SSBP3: variants seen among roughly 807,000 people sequenced by gnomAD.
The protein encoded by SSBP3 is single-stranded DNA-binding protein 3.
SSBP3 carries 5 observed loss-of-function variants against 69.6 expected under a neutral mutation model. The observed-to-expected ratio is 0.07, with a 90% CI of 0.04 to 0.15. The LOEUF (loss-of-function observed/expected upper bound fraction) is 0.15. Among genes scored for constraint, SSBP3 ranks in the 10% least tolerant of loss-of-function variants. The pLI, the probability that SSBP3 is intolerant of heterozygous loss-of-function variation, is 1.00. For missense variants in SSBP3, 312 were observed against 534.0 expected (o/e 0.58, Z 4.10); for synonymous variants, 196 against 193.4 (o/e 1.01, Z -0.11).
intron 14 of SSBP3, chr1:54,238,149 C>T (rs1248974121): frequency 2.1e-6 from 1 of 471,030 alleles, no homozygotes; most frequent in South Asian, 1.5e-5. Context: ...CAGAAACCAT[C>T]CCTCAGAGGG....
chr1:54,238,062 T>C, intron 14 of SSBP3: 1 of 443,850 alleles, frequency 2.3e-6, no homozygotes, highest in Non-Finnish European at 4.8e-6. Flanking sequence ...CTGGGATTCC[T>C]CAGGATGTGG....
rs1037506254 is a variant in SSBP3, at chr1:54,258,954, G to A, written c.367-805C>T. Among the ~76,000 whole-genome samples the A allele has an allele frequency of 2.0e-5, 3 of 152,350 alleles. 1 individual carries two copies. The highest frequency in any genetic ancestry group is 7.2e-5 in the African/African-American group (3 of 41,578). On this transcript the variant is annotated intron_variant, in intron 5 of 17. Transcript: ENST00000610401. The surrounding 1 kb of genome is among the most constrained non-coding windows in gnomAD (Gnocchi z 4.5). ...ATGGCCATAAAACTGGTCAGTGGCA[G>A]AGCTGGGATGAGAAGCCCCATGGGT...
intron 4 of SSBP3, among the ~76,000 whole-genome samples, chr1:54,330,947 TGAA>T (rs1286509101): frequency 6.6e-6 from 1 of 152,130 alleles, no homozygotes; most frequent in Non-Finnish European, 1.5e-5. Context: ...CTGGAAGTAA[TGAA>T]GAAATGGCTA....
intron 4 of SSBP3, among the ~76,000 whole-genome samples, chr1:54,334,098 A>C (rs1249151251): frequency 6.6e-6 from 1 of 151,980 alleles, no homozygotes; most frequent in East Asian, 1.9e-4. Flanking sequence ...TTATGCCCAT[A>C]ATCCCAGCAC....
At chr1:54,348,956 C>T (rs947808982) in intron 4 of SSBP3, among the ~76,000 whole-genome samples, 6 of 152,186 alleles carry the variant, frequency 3.9e-5, no homozygotes, top group African/African-American at 1.2e-4. Context: ...AGAGCCAGAA[C>T]CAGGCTAAAA....
intron 4 of SSBP3, among the ~76,000 whole-genome samples, chr1:54,310,284 G>A (rs780119693): frequency 4.6e-5 from 7 of 152,110 alleles, no homozygotes; most frequent in Non-Finnish European, 8.8e-5. Flanking sequence ...TCTCCCCAGG[G>A]GCCGCAGGCT....
chr1:54,246,865 G>A (rs1333359827), intron 9 of SSBP3, among the ~76,000 whole-genome samples: 1 of 152,266 alleles, frequency 6.6e-6, no homozygotes, highest in Non-Finnish European at 1.5e-5. Flanking sequence ...ATGCCCAGAA[G>A]TTCAGACTCA....
chr1:54,402,134 G>A (rs946364206), intron 3 of SSBP3, among the ~76,000 whole-genome samples, 189 bp from the exon 4 acceptor site: 8 of 152,250 alleles, frequency 5.3e-5, no homozygotes, highest in African/African-American at 1.9e-4. Context: ...CCAGCCATTA[G>A]TAATGGCAGT....
chr1:54,261,644 CA>C (rs965404472), intron 5 of SSBP3, among the ~76,000 whole-genome samples: 2 of 152,154 alleles, frequency 1.3e-5, no homozygotes, highest in African/African-American at 4.8e-5. Flanking sequence ...TTGAGGAACC[CA>C]AAATGGGTGC....
At chr1:54,385,254 G>A (rs1392875174) in intron 4 of SSBP3, among the ~76,000 whole-genome samples, 2 of 152,152 alleles carry the variant, frequency 1.3e-5, no homozygotes, top group Admixed American at 1.3e-4. Flanking sequence ...TCAAGGACAT[G>A]GCTTGTGCTG....
At chr1:54,235,187 G>A (rs1214192831) in intron 14 of SSBP3, among the ~76,000 whole-genome samples, 1 of 151,998 alleles carries the variant, frequency 6.6e-6, no homozygotes, top group Non-Finnish European at 1.5e-5. Flanking sequence ...TTTGTCCAGG[G>A]GCTGGCTTTG....
At chr1:54,226,331 C>T in exon 18 of SSBP3, 1 of 153,120 alleles carries the variant, frequency 6.5e-6, no homozygotes, top group Non-Finnish European at 1.5e-5. Context: ...GTGGTCCGGC[C>T]CCTCTGGCCA....
chr1:54,318,092 T>C (rs910096664), intron 4 of SSBP3, among the ~76,000 whole-genome samples: 1 of 152,218 alleles, frequency 6.6e-6, no homozygotes, highest in Admixed American at 6.5e-5. Flanking sequence ...CTATGCCATC[T>C]ACCTCATCTC....
At chr1:54,239,797 C>G (rs149357104) in intron 13 of SSBP3, among the ~76,000 whole-genome samples, 2,927 of 152,296 alleles carry the variant, frequency 0.019, 47 homozygotes, top group Non-Finnish European at 0.024. Flanking sequence ...AGCTCCACCC[C>G]TGCAGCTGAG....
chr1:54,252,679 C>T (rs1644850933), intron 7 of SSBP3, among the ~76,000 whole-genome samples: 1 of 152,206 alleles, frequency 6.6e-6, no homozygotes, highest in Non-Finnish European at 1.5e-5. Context: ...TGAACACTTG[C>T]CCCACCCGCT....
At chr1:54,263,468 C>T (rs1371427257) in intron 5 of SSBP3, among the ~76,000 whole-genome samples, 1 of 152,200 alleles carries the variant, frequency 6.6e-6, no homozygotes, top group Non-Finnish European at 1.5e-5. Flanking sequence ...AGGACTATTC[C>T]ACAAACACTG....
chr1:54,258,214 T>G lies in SSBP3; in HGVS notation c.367-65A>C. 9.9e-7 allele frequency: 1 copy of G among 1,014,856 alleles called. No homozygotes were observed. The highest frequency in any genetic ancestry group is 1.2e-6 in the Non-Finnish European group (1 of 800,040). 62.9% of individuals were successfully genotyped at this position (1,014,856 alleles called of 1,614,324 possible). On this transcript the variant is annotated intron_variant, in intron 5 of 17. Coordinates refer to ENST00000610401, the Ensembl canonical transcript of SSBP3. This position sits in a 1 kb window ranked among gnomAD's most constrained non-coding sequence, Gnocchi z 4.5. The stretch of plus-strand genomic sequence containing the variant: ...CACATGGAGAAGCGCAGAAGCAGCT[T>G]AAAAGAACAAAAATTAAACCAAAAC...
chr1:54,281,824 T>C (rs1317451187), intron 4 of SSBP3, among the ~76,000 whole-genome samples: 1 of 152,052 alleles, frequency 6.6e-6, no homozygotes, highest in Non-Finnish European at 1.5e-5. Context: ...GGGCCGGATG[T>C]GGTGGCTCAC....
intron 9 of SSBP3, among the ~76,000 whole-genome samples, 171 bp downstream of exon 9, chr1:54,251,445 G>A (rs1024826804): frequency 2.6e-5 from 4 of 152,218 alleles, no homozygotes; most frequent in Non-Finnish European, 4.4e-5. Flanking sequence ...TGGGCAGCGC[G>A]TGAAGCCAGC....
Sources: gnomAD v4.1 joint callset for allele counts (sites outside exome capture counted in the v4.1 genomes callset) on GRCh38, gnomAD v4.1.1 for gene constraint, Gnocchi (gnomAD v3.1) non-coding constraint, MANE v1.5 for transcripts, NCBI Gene and HGNC (gene_info 2026-07-23, HGNC 2026-07-21) for gene names.